OSMR: variants seen among roughly 807,000 people sequenced by gnomAD.
The protein encoded by OSMR is oncostatin-M-specific receptor subunit beta.
In OSMR, 81 loss-of-function variants were observed where a neutral mutation model predicts 99.9. The ratio of observed to expected loss-of-function variants is 0.81; its 90% confidence interval spans 0.68 to 0.97. The LOEUF (loss-of-function observed/expected upper bound fraction) is 0.97, where lower values mean the gene tolerates loss of function less well. Among genes scored for constraint, OSMR ranks in the 50% least tolerant of loss-of-function variants. The pLI is 0.00. For missense variants in OSMR, 1,099 were observed against 1,153.4 expected (o/e 0.95, Z 0.68); for synonymous variants, 406 against 410.4 (o/e 0.99, Z 0.13).
intron 3 of OSMR, among the ~76,000 whole-genome samples, 175 bp downstream of exon 3, chr5:38,876,548 A>T (rs1742855614): frequency 6.6e-6 from 1 of 152,230 alleles, no homozygotes; most frequent in African/African-American, 2.4e-5. Flanking sequence ...ACAAAGTAAC[A>T]TGACAACTTT....
At chr5:38,901,094 G>A (rs1744862449) in intron 7 of OSMR, among the ~76,000 whole-genome samples, 1 of 152,198 alleles carries the variant, frequency 6.6e-6, no homozygotes, top group African/African-American at 2.4e-5. Context: ...GGTGAGTAAG[G>A]CGGCTGGCGT....
chr5:38,862,441 G>A (rs1275148481), intron 1 of OSMR, among the ~76,000 whole-genome samples: 15 of 149,942 alleles, frequency 1.0e-4, no homozygotes, highest in East Asian at 4.1e-4. Flanking sequence ...CCTCCCTCCC[G>A]GACGGGTGGC....
At chr5:38,902,017 A>T (rs1744928532) in intron 7 of OSMR, among the ~76,000 whole-genome samples, 1 of 152,176 alleles carries the variant, frequency 6.6e-6, no homozygotes, top group Non-Finnish European at 1.5e-5. Flanking sequence ...TGGCCTTGGC[A>T]TTTAGCCTGT....
intron 13 of OSMR, among the ~76,000 whole-genome samples, chr5:38,923,774 A>G (rs1029715971): frequency 6.6e-6 from 1 of 152,160 alleles, no homozygotes; most frequent in African/African-American, 2.4e-5. Context: ...ACCAGTTCTC[A>G]GGGGTTCTTC....
intron 16 of OSMR, among the ~76,000 whole-genome samples, 187 bp from the exon 17 acceptor site, chr5:38,932,276 G>T (rs915839590): frequency 1.3e-5 from 2 of 152,074 alleles, no homozygotes; most frequent in Non-Finnish European, 2.9e-5. Flanking sequence ...TAATCCTCAT[G>T]GGGACACTAT....
chr5:38,855,689 C>T (rs1435363819), intron 1 of OSMR, among the ~76,000 whole-genome samples: 1 of 150,464 alleles, frequency 6.6e-6, no homozygotes. Context: ...ATTGCACTAA[C>T]CCCCCCAACC....
intron 15 of OSMR, among the ~76,000 whole-genome samples, chr5:38,930,929 TGTGTGTGTGTG>T (rs1579815508): frequency 3.1e-5 from 2 of 65,454 alleles, no homozygotes; most frequent in East Asian, 1.2e-3. Context: ...TTTGTGTGTG[TGTGTGTGTGTG>T]TGTGTGTGTG....
intron 2 of OSMR, among the ~76,000 whole-genome samples, chr5:38,873,748 C>T (rs886894406): frequency 2.0e-5 from 3 of 152,188 alleles, no homozygotes; most frequent in African/African-American, 7.2e-5. Context: ...TGATATTGAA[C>T]ATCTTTTCAT....
rs2112711292 is a variant in OSMR, at chr5:38,933,323, C to A, written c.2819C>A (p.Pro940Gln). 6.2e-7 allele frequency: 1 copy of A among 1,614,144 alleles called. No individual in the cohort carries two copies. Among genetic ancestry groups the A allele is most frequent in the East Asian group, 2.2e-5 (1 of 44,884 alleles). ...DSLPTNPVEA[P>Q]HCSEYKMQMA... ...CTCCCAACAAACCCAGTAGAGGCACCACACTGTTCAGAGTATAAAATGCAA... is the reference window on the plus strand; with the variant it reads ...CTCCCAACAAACCCAGTAGAGGCACAACACTGTTCAGAGTATAAAATGCAA... Residue 940 changes from proline (P) to glutamine (Q), a missense_variant, in exon 18 of 18, where the codon CCA (proline) becomes CAA (glutamine). By Grantham distance (76) the Pro-to-Gln change is moderately conservative. Coordinates refer to ENST00000274276, the MANE Select transcript of OSMR (RefSeq NM_003999.3).
chr5:38,922,202 T>TTC (rs1746267917), intron 12 of OSMR, among the ~76,000 whole-genome samples: 3 of 152,338 alleles, frequency 2.0e-5, no homozygotes, highest in African/African-American at 7.2e-5. Context: ...GTAGAACTTG[T>TTC]TCTCTTACCT....
chr5:38,869,921 G>T (rs1334508653), intron 2 of OSMR, among the ~76,000 whole-genome samples: 3 of 151,964 alleles, frequency 2.0e-5, no homozygotes, highest in Non-Finnish European at 2.9e-5. Context: ...ACAGGTGTTT[G>T]CTCCTAGTAA....
chr5:38,922,901 C>T (rs1746301517), intron 12 of OSMR: 2 of 152,642 alleles, frequency 1.3e-5, no homozygotes, highest in South Asian at 2.1e-4. Flanking sequence ...TCAGCCTCCC[C>T]GGTAGCTGGG....
chr5:38,935,545 T>C lies in OSMR; in HGVS notation c.*2101T>C, dbSNP rs1476285156. The stretch of plus-strand genomic sequence containing the variant: ...ATGACATTGATGACTGATTTGTACA[T>C]ATTTTTCATATAGTTTTGTTTAAAA... On this transcript the variant is annotated 3_prime_UTR_variant, in exon 18 of 18. Coordinates refer to ENST00000274276, the MANE Select transcript of OSMR (RefSeq NM_003999.3). 2 of 152,250 alleles carry C rather than the reference T, an allele frequency of 1.3e-5. No homozygotes were observed. Among genetic ancestry groups the C allele is most frequent in the Admixed American group, 1.3e-4 (2 of 15,290 alleles). 9.4% of individuals were successfully genotyped at this position (152,250 alleles called of 1,614,324 possible).
chr5:38,860,467 G>A (rs1243624181), intron 1 of OSMR, among the ~76,000 whole-genome samples: 1 of 152,040 alleles, frequency 6.6e-6, no homozygotes, highest in Non-Finnish European at 1.5e-5. Flanking sequence ...GATTCTATTT[G>A]CCTAGTATTT....
chr5:38,846,415 T>G (rs1739815147), intron 1 of OSMR, 28 bp downstream of exon 1: 1 of 152,284 alleles, frequency 6.6e-6, no homozygotes, highest in Non-Finnish European at 1.5e-5. Context: ...GATTCATTCC[T>G]TACAGGCCGC....
intron 6 of OSMR, 35 bp from the exon 7 acceptor site, chr5:38,886,004 C>G: frequency 6.2e-7 from 1 of 1,610,108 alleles, no homozygotes; most frequent in South Asian, 1.1e-5. Context: ...GTAAAAACCT[C>G]GTAATGGTTG....
intron 15 of OSMR, among the ~76,000 whole-genome samples, chr5:38,928,638 G>C (rs1482908024): frequency 6.6e-6 from 1 of 152,092 alleles, no homozygotes; most frequent in African/African-American, 2.4e-5. Flanking sequence ...CCCATGACAC[G>C]TAGGGATTAT....
chr5:38,860,878 G>T (rs971693016), intron 1 of OSMR, among the ~76,000 whole-genome samples: 2 of 152,052 alleles, frequency 1.3e-5, no homozygotes, highest in Admixed American at 6.5e-5. Context: ...TCACCATGTT[G>T]GCCAGGCTAG....
chr5:38,929,844 G>A (rs1052290030), intron 15 of OSMR, among the ~76,000 whole-genome samples: 3 of 152,204 alleles, frequency 2.0e-5, no homozygotes, highest in African/African-American at 7.2e-5. Context: ...CATGCAAGAA[G>A]CTGCAATTCA....
Sources: allele counts gnomAD v4.1 joint callset (sites outside exome capture counted in the v4.1 genomes callset), GRCh38; gene constraint gnomAD v4.1.1; transcripts MANE v1.5; gene names NCBI Gene and HGNC (gene_info 2026-07-23, HGNC 2026-07-21).